The following RBFOX2 variants were observed in gnomAD, a reference collection of about 807,000 sequenced individuals.
The protein encoded by RBFOX2 is RNA binding protein fox-1 homolog 2.
A neutral mutation model predicts 49.1 loss-of-function variants in RBFOX2; 10 were observed. The ratio of observed to expected loss-of-function variants is 0.20; its 90% CI spans 0.13 to 0.35. The LOEUF (loss-of-function observed/expected upper bound fraction) is 0.35, where lower values mean the gene tolerates loss of function less well. RBFOX2 is among the 10% of genes least tolerant of loss of function. The pLI is 1.00. For missense variants in RBFOX2, 323 were observed against 486.9 expected (o/e 0.66, Z 3.17); for synonymous variants, 183 against 187.4 (o/e 0.98, Z 0.19).
intron 2 of RBFOX2, among the ~76,000 whole-genome samples, chr22:35,805,674 G>A (rs1471453372): frequency 1.3e-5 from 2 of 152,166 alleles, no homozygotes; most frequent in African/African-American, 4.8e-5. Context: ...CCCTGCATAT[G>A]AATGTTTACA....
chr22:35,770,462 A>G (rs1165525617), intron 4 of RBFOX2, among the ~76,000 whole-genome samples: 1 of 152,150 alleles, frequency 6.6e-6, no homozygotes, highest in East Asian at 1.9e-4. Context: ...CTTCTTAAAT[A>G]TAACCATGAA....
chr22:35,983,829 G>A (rs558388701), intron 1 of RBFOX2, among the ~76,000 whole-genome samples: 1 of 152,094 alleles, frequency 6.6e-6, no homozygotes, highest in Non-Finnish European at 1.5e-5. Context: ...CATTACATGT[G>A]ACTAGAAAGC....
intron 1 of RBFOX2, among the ~76,000 whole-genome samples, chr22:36,014,673 T>C (rs1456908962): frequency 1.3e-5 from 2 of 152,138 alleles, no homozygotes; most frequent in Non-Finnish European, 2.9e-5. Context: ...CTTCTCATTA[T>C]TGAAAAAAAG....
At chr22:35,838,904 G>A (rs1180385823) in intron 1 of RBFOX2, among the ~76,000 whole-genome samples, 1 of 152,292 alleles carries the variant, frequency 6.6e-6, no homozygotes, top group South Asian at 2.1e-4. Flanking sequence ...TATCCCTACA[G>A]GTTTCCCTCC....
chr22:35,846,363 T>C (rs943883802), intron 1 of RBFOX2, among the ~76,000 whole-genome samples: 1 of 151,044 alleles, frequency 6.6e-6, no homozygotes, highest in Non-Finnish European at 1.5e-5. Flanking sequence ...TGTGTGTGTG[T>C]GTGTGTACTG....
At chr22:35,893,069 G>A (rs1428314979) in intron 1 of RBFOX2, among the ~76,000 whole-genome samples, 1 of 152,240 alleles carries the variant, frequency 6.6e-6, no homozygotes, top group Non-Finnish European at 1.5e-5. Context: ...AAAAGAGATA[G>A]AGCTGACCTG....
intron 2 of RBFOX2, among the ~76,000 whole-genome samples, chr22:35,794,263 T>TGACA (rs1317232312): frequency 6.6e-6 from 1 of 152,112 alleles, no homozygotes; most frequent in African/African-American, 2.4e-5. Flanking sequence ...AGCACTTGAC[T>TGACA]GACAGCAGAC....
chr22:35,956,547 A>C (rs926282484), intron 1 of RBFOX2, among the ~76,000 whole-genome samples: 5 of 152,060 alleles, frequency 3.3e-5, no homozygotes, highest in African/African-American at 1.2e-4. Context: ...TTTTTAGTAG[A>C]GACGGGGTTT....
intron 1 of RBFOX2, among the ~76,000 whole-genome samples, chr22:35,974,620 G>A (rs958245545): frequency 1.3e-5 from 2 of 152,182 alleles, no homozygotes; most frequent in Admixed American, 1.3e-4. Context: ...CCAGGAGGCA[G>A]AGGTTGTGGT....
intron 1 of RBFOX2, among the ~76,000 whole-genome samples, chr22:35,985,637 T>C (rs547628042): frequency 5.3e-5 from 8 of 152,326 alleles, no homozygotes; most frequent in Non-Finnish European, 1.2e-4. Flanking sequence ...CAAAGGCCTA[T>C]AGTTTGCAAC....
chr22:35,888,085 C>T (rs866361719), intron 1 of RBFOX2, among the ~76,000 whole-genome samples: 9 of 152,210 alleles, frequency 5.9e-5, no homozygotes, highest in Middle Eastern at 3.4e-3. Context: ...TCCTCTTTTC[C>T]CTTAGTCTAA....
intron 3 of RBFOX2, among the ~76,000 whole-genome samples, chr22:35,780,654 A>C (rs907855020): frequency 7.2e-5 from 11 of 152,248 alleles, no homozygotes; most frequent in Non-Finnish European, 1.6e-4. Flanking sequence ...TATAAAAACA[A>C]AACACTGAGG....
chr22:35,945,547 C>T (rs1331132665), intron 1 of RBFOX2, among the ~76,000 whole-genome samples: 1 of 152,092 alleles, frequency 6.6e-6, no homozygotes, highest in Non-Finnish European at 1.5e-5. Flanking sequence ...CCCAAGCGAT[C>T]CTCCTATCCC....
intron 1 of RBFOX2, among the ~76,000 whole-genome samples, chr22:35,978,348 T>C (rs935534384): frequency 6.6e-6 from 1 of 152,164 alleles, no homozygotes; most frequent in African/African-American, 2.4e-5. Flanking sequence ...GAAATATAGA[T>C]GTATATGTGG....
upstream of RBFOX2, among the ~76,000 whole-genome samples, chr22:35,963,299 CA>C (rs1009285209): frequency 6.6e-6 from 1 of 152,018 alleles, no homozygotes; most frequent in African/African-American, 2.4e-5. Flanking sequence ...GGGTGGGGGA[CA>C]ATATGATTAG....
chr22:35,978,924 G>A (rs2057328801), intron 1 of RBFOX2, among the ~76,000 whole-genome samples: 1 of 152,122 alleles, frequency 6.6e-6, no homozygotes, highest in Non-Finnish European at 1.5e-5. Flanking sequence ...ATCTGTTGAG[G>A]AACAGGATAG....
chr22:35,801,428 T>TAC (rs10623033), intron 2 of RBFOX2, among the ~76,000 whole-genome samples: 12,067 of 143,534 alleles, frequency 0.084, 584 homozygotes, highest in South Asian at 0.12. Context: ...ATACAACACA[T>TAC]ACACACACAC....
chr22:35,905,380 T>C (rs1569478051), intron 1 of RBFOX2, among the ~76,000 whole-genome samples: 1 of 152,214 alleles, frequency 6.6e-6, no homozygotes, highest in Non-Finnish European at 1.5e-5. Flanking sequence ...ATATTACTCT[T>C]TTATATTCCT....
intron 2 of RBFOX2, among the ~76,000 whole-genome samples, chr22:35,801,239 T>C (rs1342664821): frequency 6.6e-6 from 1 of 152,200 alleles, no homozygotes; most frequent in African/African-American, 2.4e-5. Context: ...GCTTCCTGTC[T>C]AACTTTTAGA....
Sources: gnomAD v4.1 joint callset for allele counts (sites outside exome capture counted in the v4.1 genomes callset) on GRCh38, gnomAD v4.1.1 for gene constraint, MANE v1.5 for transcripts, NCBI Gene and HGNC (gene_info 2026-07-23, HGNC 2026-07-21) for gene names.